The following MET variants were observed in gnomAD, a reference collection of about 807,000 sequenced individuals.
The protein encoded by MET is hepatocyte growth factor receptor.
MET carries 48 observed loss-of-function variants against 133.1 expected under a neutral mutation model. The observed-to-expected ratio is 0.36, with a 90% CI of 0.29 to 0.46. The LOEUF is 0.46. Ranked by LOEUF, MET falls within the 20% of genes least tolerant of loss-of-function variation. The probability of loss-of-function intolerance (pLI) is 1.00; values close to 1 mark genes in which losing one functional copy is unlikely to be tolerated. For missense variants in MET, 1,442 were observed against 1,695.9 expected (o/e 0.85, Z 2.63); for synonymous variants, 628 against 616.5 (o/e 1.02, Z -0.28).
At chr7:116,755,297 A>G (rs1794135372) in intron 5 of MET, 58 bp from the exon 6 acceptor site, 26 of 1,570,860 alleles carry the variant, frequency 1.7e-5, no homozygotes, top group South Asian at 4.5e-5. Flanking sequence ...CGTTTTCCAT[A>G]TATGTGAAAA....
intron 1 of MET, among the ~76,000 whole-genome samples, chr7:116,678,413 G>T (rs1796234512): frequency 7.0e-6 from 1 of 142,958 alleles, no homozygotes; most frequent in Non-Finnish European, 1.5e-5. Flanking sequence ...AGACTCTCAG[G>T]TCCAATTTGA....
At chr7:116,788,533 C>G (rs561318256) in intron 19 of MET, among the ~76,000 whole-genome samples, 1 of 152,298 alleles carries the variant, frequency 6.6e-6, no homozygotes, top group East Asian at 1.9e-4. Context: ...TAGCCACAGT[C>G]ACTCAGATAC....
At chr7:116,746,040 G>C (rs1793666450) in intron 5 of MET, among the ~76,000 whole-genome samples, 1 of 152,158 alleles carries the variant, frequency 6.6e-6, no homozygotes, top group Non-Finnish European at 1.5e-5. Flanking sequence ...ATCTGACAAA[G>C]GGCTAATATC....
intron 2 of MET, among the ~76,000 whole-genome samples, chr7:116,716,747 C>T (rs1011112531): frequency 2.0e-4 from 30 of 152,278 alleles, no homozygotes; most frequent in Admixed American, 5.2e-4. Flanking sequence ...GAGATGGCAA[C>T]GGGGTGTGTA....
intron 2 of MET, among the ~76,000 whole-genome samples, chr7:116,722,537 G>A (rs1363187970): frequency 3.3e-5 from 5 of 151,720 alleles, no homozygotes; most frequent in Admixed American, 6.6e-5. Context: ...ATGTTAGCTG[G>A]TTATTTTGCT....
intron 2 of MET, chr7:116,724,648 C>A: frequency 2.2e-6 from 1 of 447,416 alleles, no homozygotes; most frequent in African/African-American, 2.0e-5. Context: ...TGACAGCAGA[C>A]TGATAACAGT....
At chr7:116,757,347 C>T in intron 6 of MET, 90 bp from the exon 7 acceptor site, 1 of 1,028,912 alleles carries the variant, frequency 9.7e-7, no homozygotes, top group Non-Finnish European at 1.5e-6. Context: ...GTCAGCTCAC[C>T]ATTTAGAGTT....
chr7:116,738,284 G>C (rs1381298662), intron 3 of MET, among the ~76,000 whole-genome samples: 2 of 152,156 alleles, frequency 1.3e-5, no homozygotes, highest in Non-Finnish European at 2.9e-5. Flanking sequence ...GAGATGTGAT[G>C]AGCCCAGAAG....
At chr7:116,714,815 T>C (rs1425939385) in intron 2 of MET, among the ~76,000 whole-genome samples, 2 of 151,790 alleles carry the variant, frequency 1.3e-5, no homozygotes, top group East Asian at 3.9e-4. Flanking sequence ...GACTAGCATA[T>C]ATTCTATCTA....
chr7:116,769,901 C>T (rs1477863411), intron 12 of MET, 110 bp downstream of exon 12: 15 of 1,462,100 alleles, frequency 1.0e-5, no homozygotes, highest in African/African-American at 1.4e-5. Flanking sequence ...GGTTTTGGCT[C>T]ATCAACTCAG....
At position 116,796,806 on chromosome 7, in the gene MET, A is replaced by G. The variant is rs1198780945; in HGVS notation, c.*682A>G. 1 of 183,052 alleles carries G rather than the reference A, an allele frequency of 5.5e-6. No homozygotes were observed. Among genetic ancestry groups the G allele is most frequent in the Non-Finnish European group, 1.2e-5 (1 of 86,034 alleles). 11.3% of individuals were successfully genotyped at this position (183,052 alleles called of 1,614,324 possible). On this transcript the variant is annotated 3_prime_UTR_variant, in exon 21 of 21. Coordinates refer to ENST00000397752, the MANE Select transcript of MET (RefSeq NM_000245.4). ...GCTAATTTTTGTATTTTTTGTAGAGACGGGGTTTTGCCATGTTGCCAAGGC... is the reference window on the plus strand; with the variant it reads ...GCTAATTTTTGTATTTTTTGTAGAGGCGGGGTTTTGCCATGTTGCCAAGGC...
At chr7:116,736,274 A>T (rs1308532501) in intron 3 of MET, among the ~76,000 whole-genome samples, 1 of 151,962 alleles carries the variant, frequency 6.6e-6, no homozygotes, top group African/African-American at 2.4e-5. Context: ...GGCTAAGAGG[A>T]TATGGGGAGA....
intron 2 of MET, chr7:116,724,804 C>T: frequency 7.8e-7 from 1 of 1,288,944 alleles, no homozygotes; most frequent in Non-Finnish European, 1.0e-6. Flanking sequence ...GGTGAAGACC[C>T]TGGAGCCAGA....
In MET at chr7:116,796,175, C is replaced by A; in HGVS notation, c.*51C>A. On this transcript the variant is annotated 3_prime_UTR_variant, in exon 21 of 21. Coordinates refer to ENST00000397752, the MANE Select transcript of MET (RefSeq NM_000245.4). ...TCCACACTTTGTCCAATGGTTTTTT[C>A]ACTGCCTGACCTTTAAAAGGCCATC... 2 of 1,536,474 alleles carry A rather than the reference C, an allele frequency of 1.3e-6. No homozygotes were observed. Among genetic ancestry groups the A allele is most frequent in the South Asian group, 1.1e-5 (1 of 89,336 alleles).
chr7:116,774,258 A>T (rs1248504576), intron 14 of MET, among the ~76,000 whole-genome samples: 1 of 152,216 alleles, frequency 6.6e-6, no homozygotes, highest in African/African-American at 2.4e-5. Context: ...TAGTGTCCTT[A>T]ACTAAACAAC....
At position 116,700,215 on chromosome 7, in the gene MET, C is replaced by T. The variant is rs28444388; in HGVS notation, c.1131C>T (p.Ile377=). Residue 377 remains isoleucine (I), a synonymous_variant, in exon 2 of 21, where the codon ATC becomes ATT. Transcript: ENST00000397752. Reference sequence around the variant, plus strand: ...ATGTCAACGACTTCTTCAACAAGATCGTCAACAAAAACAATGTGAGATGTC... The same window carrying T: ...ATGTCAACGACTTCTTCAACAAGATTGTCAACAAAAACAATGTGAGATGTC... The part of the protein sequence containing the change: ...IKYVNDFFNK[I]VNKNNVRCLQ... 17,779 of 1,594,374 alleles carry T rather than the reference C, an allele frequency of 0.011. 1,605 individuals carry two copies. The African/African-American group carries it at 0.2, about 18-fold the overall frequency.
At chr7:116,686,682 C>T (rs1164307753) in intron 1 of MET, among the ~76,000 whole-genome samples, 3 of 152,172 alleles carry the variant, frequency 2.0e-5, no homozygotes, top group Admixed American at 6.5e-5. Context: ...AGATGGATTT[C>T]GGGATTCTCT....
intron 1 of MET, among the ~76,000 whole-genome samples, chr7:116,696,021 T>C (rs1796953796): frequency 6.6e-6 from 1 of 151,976 alleles, no homozygotes; most frequent in African/African-American, 2.4e-5. Flanking sequence ...TACAGGCACC[T>C]GTCACCACAC....
rs1490648488 is a variant in MET, at chr7:116,699,431, T to A, written c.347T>A (p.Ile116Asn). 1 of 1,613,968 alleles carries A rather than the reference T, an allele frequency of 6.2e-7. No homozygotes were observed. Among genetic ancestry groups the A allele is most frequent in the East Asian group, 2.2e-5 (1 of 44,880 alleles). The change falls in exon 2 of 21, where the codon ATC (isoleucine) becomes AAC (asparagine). Residue 116 changes from isoleucine to asparagine, a missense_variant. Transcript: ENST00000397752. ...NLSGGVWKDN[I>N]NMALVVDTYY... The stretch of plus-strand genomic sequence containing the variant: ...TCAGGAGGTGTTTGGAAAGATAACA[T>A]CAACATGGCTCTAGTTGTCGACACC...
Sources: gnomAD v4.1 joint callset for allele counts (sites outside exome capture counted in the v4.1 genomes callset) on GRCh38, gnomAD v4.1.1 for gene constraint, MANE v1.5 for transcripts, NCBI Gene and HGNC (gene_info 2026-07-23, HGNC 2026-07-21) for gene names.